PRTG: variants seen among roughly 807,000 people sequenced by gnomAD.
PRTG encodes immunoglobulin superfamily, DCC subclass, member 5.
PRTG carries 67 observed loss-of-function variants against 122.5 expected under a neutral mutation model. The ratio of observed to expected loss-of-function variants is 0.55; its 90% CI spans 0.45 to 0.67. The LOEUF is 0.67. PRTG is among the 30% of genes least tolerant of loss of function. PRTG has a pLI of 0.00. For synonymous variants in PRTG, 554 were observed against 501.1 expected (o/e 1.11, Z -1.41); for missense variants, 1,435 against 1,415.4 (o/e 1.01, Z -0.22).
chr15:55,735,712 C>G (rs1248189300), intron 2 of PRTG, among the ~76,000 whole-genome samples: 1 of 100,446 alleles, frequency 1.0e-5, no homozygotes, highest in African/African-American at 4.0e-5. Flanking sequence ...CTGGACCATG[C>G]TTTGCTAAAA....
chr15:55,728,342 T>C (rs944186043), intron 2 of PRTG, among the ~76,000 whole-genome samples: 7 of 152,152 alleles, frequency 4.6e-5, no homozygotes, highest in Non-Finnish European at 5.9e-5. Context: ...CTTCTATGAA[T>C]ATGGATGCAA....
chr15:55,679,556 C>G, intron 6 of PRTG, 111 bp from the exon 7 acceptor site: 3 of 747,864 alleles, frequency 4.0e-6, no homozygotes, highest in Non-Finnish European at 6.4e-6. Flanking sequence ...AGATGCCTGA[C>G]ATGCTGAGCT....
At position 55,620,664 on chromosome 15, in the gene PRTG, T is replaced by C; in HGVS notation, c.3197A>G (p.Gln1066Arg). 1 of 1,583,306 alleles carries C rather than the reference T, an allele frequency of 6.3e-7. No homozygotes were observed. The highest frequency in any genetic ancestry group is 2.0e-5 in the Admixed American group (1 of 49,184). The change falls in exon 19 of 20, where the codon CAG (glutamine) becomes CGG (arginine). Residue 1066 changes from glutamine (Q) to arginine (R), a missense_variant and splice_region_variant. Transcript: ENST00000389286. The part of the protein sequence containing the change: ...FQDSKKIQVE[Q>R]PQRRFTPAVC... The stretch of plus-strand genomic sequence containing the variant: ...ATTTTTCTCATTTAGATAGGTTACC[T>C]GCTCAACTTGTATCTTCTTTGAGTC...
chr15:55,624,330 G>T lies in PRTG; in HGVS notation c.3093+12C>A, dbSNP rs775482784. 1.4e-5 allele frequency: 22 copies of T among 1,610,294 alleles called. No individual in the cohort carries two copies. The highest frequency in any genetic ancestry group is 1.7e-4 in the Middle Eastern group (1 of 5,962). ...AAGAACGGCTTATGCAGCAAATCCC[G>T]CAGCTCAGTACCTTTGCATCAATGA... On this transcript the variant is annotated intron_variant, in intron 18 of 19. Transcript: ENST00000389286.
chr15:55,641,307 G>A, intron 11 of PRTG, 99 bp from the exon 12 acceptor site: 1 of 753,748 alleles, frequency 1.3e-6, no homozygotes, highest in Admixed American at 2.7e-5. Context: ...AAAACCTGCT[G>A]AATGCATAAA....
chr15:55,630,120 G>T (rs2141720010), intron 15 of PRTG, among the ~76,000 whole-genome samples: 1 of 152,002 alleles, frequency 6.6e-6, no homozygotes, highest in South Asian at 2.1e-4. Flanking sequence ...CTGAGTAGCT[G>T]GGACTATAGG....
intron 7 of PRTG, among the ~76,000 whole-genome samples, chr15:55,678,312 GC>G (rs1368178030): frequency 6.6e-6 from 1 of 152,152 alleles, no homozygotes; most frequent in Non-Finnish European, 1.5e-5. Context: ...CACAATCACA[GC>G]TCACTGCGGC....
chr15:55,720,760 G>A (rs1187321365), intron 2 of PRTG, among the ~76,000 whole-genome samples: 1 of 152,048 alleles, frequency 6.6e-6, no homozygotes, highest in Non-Finnish European at 1.5e-5. Flanking sequence ...ATTGCCATGG[G>A]TCACACATAA....
rs185382692 is a variant in PRTG, at chr15:55,663,509, A to G, written c.2041+8936T>C. On this transcript the variant is annotated intron_variant, in intron 11 of 19. Transcript: ENST00000389286. ...CTTGCCCCCATCTCTAGTCATGGCA[A>G]TCACTGATACGTTTTCCATCTTTTC... 4.6e-4 allele frequency among the ~76,000 whole-genome samples: 70 copies of G among 151,700 alleles called. No individual in the cohort carries two copies. In the Middle Eastern group the frequency reaches 0.014, roughly 30 times the overall value.
chr15:55,694,623 T>C (rs2059622099), intron 2 of PRTG, among the ~76,000 whole-genome samples: 1 of 152,234 alleles, frequency 6.6e-6, no homozygotes, highest in Non-Finnish European at 1.5e-5. Context: ...TGTTGTTTCC[T>C]AGCAAGTATT....
intron 2 of PRTG, among the ~76,000 whole-genome samples, chr15:55,708,869 G>A (rs961614959): frequency 2.0e-5 from 3 of 151,876 alleles, no homozygotes; most frequent in Non-Finnish European, 4.4e-5. Flanking sequence ...TTGAGGCCGG[G>A]TGCAGTGACT....
chr15:55,620,323 A>C, intron 19 of PRTG, 57 bp from the exon 20 acceptor site: 1 of 1,585,638 alleles, frequency 6.3e-7, no homozygotes, highest in Non-Finnish European at 8.6e-7. Context: ...ATCCACGAGC[A>C]AAAGCTCATC....
intron 15 of PRTG, among the ~76,000 whole-genome samples, chr15:55,630,513 T>C (rs1034177411): frequency 2.0e-5 from 3 of 152,178 alleles, no homozygotes; most frequent in African/African-American, 7.2e-5. Context: ...AGGTCTCAGA[T>C]TAAACTATCA....
intron 19 of PRTG, 53 bp from the exon 20 acceptor site, chr15:55,620,319 G>A (rs372431509): frequency 1.1e-5 from 18 of 1,587,306 alleles, no homozygotes; most frequent in Middle Eastern, 1.9e-4. Context: ...TCGAATCCAC[G>A]AGCAAAAGCT....
At chr15:55,702,932 C>G in intron 2 of PRTG, 1 of 985,352 alleles carries the variant, frequency 1.0e-6, no homozygotes, top group Non-Finnish European at 1.2e-6. Context: ...CCTGCAGACA[C>G]ATGTCAGTTC....
chr15:55,621,335 A>G (rs2059164946), intron 18 of PRTG, among the ~76,000 whole-genome samples: 1 of 152,052 alleles, frequency 6.6e-6, no homozygotes, highest in African/African-American at 2.4e-5. Flanking sequence ...TGGGCAACAG[A>G]GCAAGGCTCC....
intron 16 of PRTG, among the ~76,000 whole-genome samples, chr15:55,628,315 G>C (rs1191389726): frequency 6.6e-6 from 1 of 151,252 alleles, no homozygotes; most frequent in Non-Finnish European, 1.5e-5. Context: ...CACATGGACA[G>C]CTGTGATGAG....
In PRTG at chr15:55,619,957, G is replaced by T. The variant is rs888519339; in HGVS notation, c.*55C>A. 1.2e-6 allele frequency: 2 copies of T among 1,601,570 alleles called. No homozygotes were observed. Among genetic ancestry groups the T allele is most frequent in the African/African-American group, 1.3e-5 (1 of 74,758 alleles). On this transcript the variant is annotated 3_prime_UTR_variant, in exon 20 of 20. Coordinates refer to ENST00000389286, the MANE Select transcript of PRTG (RefSeq NM_173814.6). Reference sequence around the variant, plus strand: ...GCTCACTAACAGATGACACAGCAGGGTCTTCACACTTCCTCAATGCGGAAT... The same window carrying T: ...GCTCACTAACAGATGACACAGCAGGTTCTTCACACTTCCTCAATGCGGAAT...
At chr15:55,737,446 T>C (rs1217987092) in intron 2 of PRTG, among the ~76,000 whole-genome samples, 1 of 152,200 alleles carries the variant, frequency 6.6e-6, no homozygotes, top group Non-Finnish European at 1.5e-5. Flanking sequence ...ACCTTGTCCC[T>C]GCAGCCCTGC....
Sources: allele counts gnomAD v4.1 joint callset (sites outside exome capture counted in the v4.1 genomes callset), GRCh38; gene constraint gnomAD v4.1.1; transcripts MANE v1.5; gene names NCBI Gene and HGNC (gene_info 2026-07-23, HGNC 2026-07-21).